The following USP31 variants were observed in gnomAD, a reference collection of about 807,000 sequenced individuals.
The protein encoded by USP31 is ubiquitin specific peptidase 31, also known as ubiquitin carboxyl-terminal hydrolase 31.
In USP31, 44 loss-of-function variants were observed where a neutral mutation model predicts 119.4. That is an observed-to-expected ratio of 0.37 (90% CI 0.29 to 0.47). USP31 has a LOEUF of 0.47. Among genes scored for constraint, USP31 ranks in the 20% least tolerant of loss-of-function variants. USP31 has a pLI of 0.99. For missense variants in USP31, 1,643 were observed against 1,730.2 expected (o/e 0.95, Z 0.89); for synonymous variants, 749 against 705.6 (o/e 1.06, Z -0.97).
chr16:23,073,911 G>A, intron 13 of USP31, 31 bp from the exon 14 acceptor site: 1 of 1,612,958 alleles, frequency 6.2e-7, no homozygotes, highest in Non-Finnish European at 8.5e-7. Flanking sequence ...TCAGCACCAG[G>A]GGAGGCTGCA....
chr16:23,117,502 AG>A (rs1350104847), intron 1 of USP31, among the ~76,000 whole-genome samples: 1 of 152,256 alleles, frequency 6.6e-6, no homozygotes, highest in African/African-American at 2.4e-5. Flanking sequence ...TAAGGGTTAA[AG>A]TATGGTCAAG....
intron 1 of USP31, among the ~76,000 whole-genome samples, chr16:23,139,084 C>T (rs1178597348): frequency 6.6e-6 from 1 of 152,080 alleles, no homozygotes; most frequent in Non-Finnish European, 1.5e-5. Flanking sequence ...AAATACCAAC[C>T]TGATTTGTTT....
chr16:23,124,217 GATCA>G lies in USP31; in HGVS notation c.634-16038_634-16035del, dbSNP rs1200113202. Among the ~76,000 whole-genome samples, 6 of 152,268 alleles carry G rather than the reference GATCA, an allele frequency of 3.9e-5. No individual in the cohort carries two copies. In the East Asian group the frequency reaches 1.2e-3, roughly 29 times the overall value. ...GAAACCTCCACATTACCTAAAAGGA[GATCA>G]ATCAATGATGTTCATAACAACCCTA... On this transcript the variant is annotated intron_variant, in intron 1 of 15. Transcript: ENST00000219689.
chr16:23,112,985 G>A (rs1398311438), intron 1 of USP31, among the ~76,000 whole-genome samples: 1 of 151,632 alleles, frequency 6.6e-6, no homozygotes, highest in African/African-American at 2.4e-5. Context: ...CCGAGATCAT[G>A]CCATTGCACT....
intron 1 of USP31, among the ~76,000 whole-genome samples, chr16:23,131,791 T>C (rs1036647640): frequency 2.6e-5 from 4 of 152,200 alleles, no homozygotes; most frequent in Non-Finnish European, 2.9e-5. Context: ...GTGATTATTA[T>C]TGTTTCTTAA....
chr16:23,101,647 C>G (rs74490348), intron 6 of USP31, among the ~76,000 whole-genome samples: 1 of 152,030 alleles, frequency 6.6e-6, no homozygotes, highest in Non-Finnish European at 1.5e-5. Context: ...CCAGGTAATA[C>G]TGATGCATTA....
chr16:23,138,417 C>G (rs1259664509), intron 1 of USP31, among the ~76,000 whole-genome samples: 1 of 152,184 alleles, frequency 6.6e-6, no homozygotes, highest in Non-Finnish European at 1.5e-5. Flanking sequence ...GAACCAGGTT[C>G]TGTCCCTTCC....
chr16:23,086,588 G>T (rs898326921), intron 9 of USP31, among the ~76,000 whole-genome samples: 2 of 152,118 alleles, frequency 1.3e-5, no homozygotes, highest in African/African-American at 4.8e-5. Context: ...TGCAAAGCAC[G>T]CATATAAAAT....
chr16:23,094,516 G>C (rs993705781), intron 6 of USP31, among the ~76,000 whole-genome samples: 19 of 152,196 alleles, frequency 1.2e-4, no homozygotes, highest in Non-Finnish European at 1.5e-5. Context: ...CATGGCATTT[G>C]AGCTCTGAGA....
At position 23,073,803 on chromosome 16, in the gene USP31, C is replaced by T; in HGVS notation, c.2254G>A (p.Val752Ile). 1 of 1,614,156 alleles carries T rather than the reference C, an allele frequency of 6.2e-7. No individual in the cohort carries two copies. The highest frequency in any genetic ancestry group is 1.1e-5 in the South Asian group (1 of 91,082). Residue 752 changes from valine (V) to isoleucine (I), a missense_variant, in exon 14 of 16, where the codon GTC (valine) becomes ATC (isoleucine). Val to Ile is a conservative substitution (Grantham distance 29). This residue lies in a region of USP31 where 279 missense variants were observed against 372.2 expected (regional missense o/e 0.75). Coordinates refer to ENST00000219689, the MANE Select transcript of USP31 (RefSeq NM_020718.4). The part of the protein sequence containing the change: ...SDVQQLSEDE[V>I]CTQTAYILFY... ...AGGATGTATGCTGTCTGCGTGCAGA[C>T]CTCATCTTCTGACAGCTGCTGCACA... is the stretch of plus-strand genomic sequence containing the variant.
At chr16:23,143,434 T>C (rs1228423584) in intron 1 of USP31, among the ~76,000 whole-genome samples, 2 of 152,156 alleles carry the variant, frequency 1.3e-5, no homozygotes, top group Non-Finnish European at 2.9e-5. Flanking sequence ...AAATGGCATA[T>C]TATGTATTCA....
chr16:23,087,857 AT>A, intron 7 of USP31, 22 bp from the exon 8 acceptor site: 1 of 1,592,734 alleles, frequency 6.3e-7, no homozygotes, highest in Non-Finnish European at 8.6e-7. Flanking sequence ...CAACAATGTA[AT>A]CACCTTTAAA....
intron 13 of USP31, among the ~76,000 whole-genome samples, chr16:23,078,005 T>C (rs1164412557): frequency 1.3e-5 from 2 of 152,132 alleles, no homozygotes; most frequent in African/African-American, 4.8e-5. Context: ...CAACAGAACA[T>C]TCTGTGGTCA....
Position 23,068,188 on chromosome 16 carries a change from A to G in USP31, c.3917T>C (p.Leu1306Pro). ...KDPASAKHSL[L>P]SARKSKSSQL... ...GGAAGACTTGGATTTGCGAGCGGAC[A>G]GCAGGGAATGTTTGGCAGAAGCAGG... is the stretch of plus-strand genomic sequence containing the variant. The change falls in exon 16 of 16, where the codon CTG becomes CCG. Residue 1306 changes from leucine (L) to proline (P), a missense_variant. Physicochemically the swap from Leu to Pro is moderately conservative, Grantham distance 98 (BLOSUM62 -3). This residue lies in a region of USP31 where 699 missense variants were observed against 650.9 expected (regional missense o/e 1.07). Transcript: ENST00000219689. 1.9e-6 allele frequency: 3 copies of G among 1,614,204 alleles called. No individual in the cohort carries two copies. Among genetic ancestry groups the G allele is most frequent in the Non-Finnish European group, 2.5e-6 (3 of 1,180,034 alleles).
Position 23,149,186 on chromosome 16 carries a change from G to T in USP31, c.85C>A (p.Arg29=). 8.6e-7 allele frequency: 1 copy of T among 1,162,348 alleles called. No homozygotes were observed. Among genetic ancestry groups the T allele is most frequent in the South Asian group, 4.0e-5 (1 of 24,754 alleles). 72.0% of individuals were successfully genotyped at this position (1,162,348 alleles called of 1,614,324 possible). The change falls in exon 1 of 16, where the codon CGG becomes AGG. Residue 29 remains arginine, a synonymous_variant. Coordinates refer to ENST00000219689, the MANE Select transcript of USP31 (RefSeq NM_020718.4). ...CCGCCGCCGCCAGCGCGGCCGCTCCGAAACAGCCGCTTGCTGAAGGAGCGC... is the reference window on the plus strand; with the variant it reads ...CCGCCGCCGCCAGCGCGGCCGCTCCTAAACAGCCGCTTGCTGAAGGAGCGC... ...EKRSFSKRLF[R]SGRAGGGGAG...
At chr16:23,146,848 G>A (rs1257649395) in intron 1 of USP31, among the ~76,000 whole-genome samples, 1 of 151,878 alleles carries the variant, frequency 6.6e-6, no homozygotes, top group Non-Finnish European at 1.5e-5. Flanking sequence ...GCACCAATGG[G>A]AAACCAGTAC....
At chr16:23,131,737 G>A (rs1236176006) in intron 1 of USP31, among the ~76,000 whole-genome samples, 2 of 152,062 alleles carry the variant, frequency 1.3e-5, no homozygotes, top group Non-Finnish European at 2.9e-5. Flanking sequence ...AATTCACTTT[G>A]TAAATGATAT....
Position 23,068,333 on chromosome 16 carries a change from A to G in USP31, c.3772T>C (p.Ser1258Pro). The change falls in exon 16 of 16, where the codon TCT (serine) becomes CCT (proline). Residue 1258 changes from serine to proline, a missense_variant. Coordinates refer to ENST00000219689, the MANE Select transcript of USP31 (RefSeq NM_020718.4). ...GTGTTCTTACAGACAGACTTAACAG[A>G]GCTCCCACCAGCCTTTTTAGAGAGC... ...ALLSKKAGGSSVKSVCKNTGD... is the reference protein window; with the variant it reads ...ALLSKKAGGSPVKSVCKNTGD... 6.2e-7 allele frequency: 1 copy of G among 1,613,996 alleles called. No homozygotes were observed. The highest frequency in any genetic ancestry group is 8.5e-7 in the Non-Finnish European group (1 of 1,179,972).
Position 23,069,469 on chromosome 16 carries a change from G to A in USP31, c.2636C>T (p.Ser879Phe). The change falls in exon 16 of 16, where the codon TCT (serine) becomes TTT (phenylalanine). Residue 879 changes from serine (S) to phenylalanine (F), a missense_variant. Transcript: ENST00000219689. Reference protein sequence around the residue: ...LSAKLQMRSNSPSRFSGDSPI... With the variant: ...LSAKLQMRSNFPSRFSGDSPI... ...CGAATCCCCTGAAAATCGGGATGGA[G>A]AATTGGAGCGCATCTGCAGCTTAGC... The A allele has an allele frequency of 6.2e-7, 1 of 1,614,250 alleles. No individual in the cohort carries two copies. Among genetic ancestry groups the A allele is most frequent in the Non-Finnish European group, 8.5e-7 (1 of 1,180,044 alleles).
Sources: allele counts gnomAD v4.1 joint callset (sites outside exome capture counted in the v4.1 genomes callset), GRCh38; gene constraint gnomAD v4.1.1; regional missense constraint gnomAD v4.1.1; transcripts MANE v1.5; gene names NCBI Gene and HGNC (gene_info 2026-07-23, HGNC 2026-07-21).